The following NAV3 variants were observed in gnomAD, a reference collection of about 807,000 sequenced individuals.
NAV3 encodes neuron navigator 3.
A neutral mutation model predicts 244.7 loss-of-function variants in NAV3; 87 were observed. That is an observed-to-expected ratio of 0.36 (90% CI 0.30 to 0.42). NAV3 has a LOEUF of 0.42. Ranked by LOEUF, NAV3 falls within the 20% of genes least tolerant of loss-of-function variation. NAV3 has a pLI of 1.00. For synonymous variants in NAV3, 1,126 were observed against 1,042.2 expected (o/e 1.08, Z -1.55); for missense variants, 2,663 against 2,893.3 (o/e 0.92, Z 1.83).
chr12:77,639,480 G>C (rs1872300705), intron 2 of NAV3, among the ~76,000 whole-genome samples: 1 of 152,112 alleles, frequency 6.6e-6, no homozygotes, highest in African/African-American at 2.4e-5. Flanking sequence ...CGTCTAACCA[G>C]AATGTAAATT....
chr12:77,942,286 C>T (rs537352120), intron 3 of NAV3, among the ~76,000 whole-genome samples: 12 of 152,060 alleles, frequency 7.9e-5, no homozygotes, highest in Non-Finnish European at 1.2e-4. Context: ...GCAGGAGAAT[C>T]GCTTGAACCA....
chr12:78,157,822 A>G (rs916101230), intron 22 of NAV3, among the ~76,000 whole-genome samples: 1 of 151,884 alleles, frequency 6.6e-6, no homozygotes, highest in Non-Finnish European at 1.5e-5. Flanking sequence ...GGAGAAAAAG[A>G]AGGAAGAGGG....
chr12:78,078,375 C>CTTT (rs71088356), intron 12 of NAV3, among the ~76,000 whole-genome samples: 3 of 67,844 alleles, frequency 4.4e-5, no homozygotes, highest in African/African-American at 1.2e-4. Context: ...TCTTTCCACT[C>CTTT]TTTTTTTTTT....
rs142204643 is a variant in NAV3 at position 78,113,686 on chromosome 12, G to A, written c.2637-3086G>A. 4.5e-3 allele frequency among the ~76,000 whole-genome samples: 686 copies of A among 152,284 alleles called. 5 individuals carry two copies. Among genetic ancestry groups the A allele is most frequent in the African/African-American group, 0.016 (651 of 41,554 alleles). On this transcript the variant is annotated intron_variant, in intron 12 of 39. Transcript: ENST00000397909. ...TTCCCTCCTAGGCTTCTGGGCCTGC[G>A]ATGAGTAGGGTTGCCACAAAACTGT...
intron 2 of NAV3, among the ~76,000 whole-genome samples, chr12:77,729,565 A>G (rs77182923): frequency 0.018 from 2,716 of 152,100 alleles, 93 homozygotes; most frequent in African/African-American, 0.062. Flanking sequence ...ATCAGAGCAT[A>G]GGAAGCTTAT....
intron 1 of NAV3, among the ~76,000 whole-genome samples, chr12:77,863,968 C>T (rs1879638618): frequency 1.3e-5 from 2 of 151,856 alleles, no homozygotes; most frequent in Admixed American, 1.3e-4. Flanking sequence ...TCCAATTTCT[C>T]AAACACTATA....
At chr12:78,123,419 G>A (rs375235877) in intron 16 of NAV3, among the ~76,000 whole-genome samples, 6 of 150,998 alleles carry the variant, frequency 4.0e-5, no homozygotes, top group African/African-American at 1.2e-4. Context: ...CCTTACTCCC[G>A]GAATGATATT....
At position 78,119,763 on chromosome 12, in the gene NAV3, G is replaced by C. The variant is rs759382547; in HGVS notation, c.3567G>C (p.Ser1189=). 2.5e-6 allele frequency: 4 copies of C among 1,614,042 alleles called. No individual in the cohort carries two copies. Among genetic ancestry groups the C allele is most frequent in the Non-Finnish European group, 3.4e-6 (4 of 1,180,004 alleles). Residue 1189 remains serine, a synonymous_variant, in exon 15 of 40, where the codon TCG becomes TCC. Transcript: ENST00000397909. ...REPTKIGSGR[S]SPVTVNQTDK... The stretch of plus-strand genomic sequence containing the variant: ...CAACTAAAATTGGGTCAGGGCGCTC[G>C]AGTCCTGTCACCGTCAACCAAACAG...
At chr12:77,770,335 A>C (rs985974883) in intron 2 of NAV3, among the ~76,000 whole-genome samples, 1 of 152,190 alleles carries the variant, frequency 6.6e-6, no homozygotes, top group Admixed American at 6.5e-5. Flanking sequence ...TTCTGGATGA[A>C]CAGACGGCTG....
intron 12 of NAV3, among the ~76,000 whole-genome samples, chr12:78,097,955 T>C (rs1447656983): frequency 6.6e-6 from 1 of 152,160 alleles, no homozygotes; most frequent in Non-Finnish European, 1.5e-5. Flanking sequence ...GGAGAGACAA[T>C]TTAGCTCAGA....
chr12:78,050,934 C>A lies in NAV3; in HGVS notation c.2303C>A (p.Thr768Asn). ...GGTGCTGGCTATCCTCGCAGTGGTACCAGTCGATTCATCCACACAGACCCC... is the reference window on the plus strand; with the variant it reads ...GGTGCTGGCTATCCTCGCAGTGGTAACAGTCGATTCATCCACACAGACCCC... ...SLGAGYPRSG[T>N]SRFIHTDPSR... The change falls in exon 11 of 40, where the codon ACC becomes AAC. Residue 768 changes from threonine to asparagine, a missense_variant. Thr to Asn is a moderately conservative substitution (Grantham distance 65). Around this residue, in one of 6 missense-constraint regions of NAV3, gnomAD observed 1,521 missense variants for 1,497.0 expected, o/e 1.02. Transcript: ENST00000397909. 1 of 1,614,014 alleles carries A rather than the reference C, an allele frequency of 6.2e-7. No individual in the cohort carries two copies. Among genetic ancestry groups the A allele is most frequent in the Non-Finnish European group, 8.5e-7 (1 of 1,179,988 alleles).
chr12:77,651,289 G>A (rs1408773387), intron 2 of NAV3, among the ~76,000 whole-genome samples: 1 of 152,054 alleles, frequency 6.6e-6, no homozygotes, highest in East Asian at 1.9e-4. Context: ...TAAAAAGATT[G>A]AAGTAACATT....
chr12:77,596,447 A>G (rs866393437), intron 2 of NAV3, among the ~76,000 whole-genome samples: 1 of 152,316 alleles, frequency 6.6e-6, no homozygotes, highest in East Asian at 1.9e-4. Flanking sequence ...TACTTAAGGT[A>G]TATAAAACAT....
chr12:77,926,306 A>G (rs1028849226), intron 1 of NAV3, among the ~76,000 whole-genome samples: 4 of 152,184 alleles, frequency 2.6e-5, no homozygotes, highest in Admixed American at 6.5e-5. Context: ...AATTTAAAGT[A>G]TTTAAAACAT....
At chr12:78,191,035 A>G (rs1419343416) in intron 34 of NAV3, among the ~76,000 whole-genome samples, 2 of 152,104 alleles carry the variant, frequency 1.3e-5, no homozygotes, top group African/African-American at 4.8e-5. Flanking sequence ...GGGAATCCCA[A>G]TTATACTGGG....
At chr12:78,040,274 C>T (rs770114) in intron 9 of NAV3, among the ~76,000 whole-genome samples, 32,313 of 151,718 alleles carry the variant, frequency 0.21, 3,786 homozygotes, top group Non-Finnish European at 0.28. Context: ...ATGTTTTGCT[C>T]AATAAGCGTT....
chr12:77,582,549 ATGTAT>A (rs1465979358), intron 2 of NAV3, among the ~76,000 whole-genome samples: 3 of 152,218 alleles, frequency 2.0e-5, no homozygotes, highest in Admixed American at 6.5e-5. Flanking sequence ...TGTTAGGAAA[ATGTAT>A]TGTAGAAACC....
intron 1 of NAV3, among the ~76,000 whole-genome samples, chr12:77,939,109 T>G (rs910752367): frequency 2.6e-5 from 4 of 152,182 alleles, no homozygotes; most frequent in Non-Finnish European, 5.9e-5. Context: ...TATTACTTTT[T>G]TAAATGTGAA....
chr12:77,911,215 A>G (rs542534792), intron 1 of NAV3, among the ~76,000 whole-genome samples: 2 of 152,196 alleles, frequency 1.3e-5, no homozygotes, highest in Admixed American at 1.3e-4. Flanking sequence ...AAAGTGATCA[A>G]ATGCTTCTGG....
Sources: gnomAD v4.1 joint callset for allele counts (sites outside exome capture counted in the v4.1 genomes callset) on GRCh38, gnomAD v4.1.1 for gene constraint, gnomAD v4.1.1 regional missense constraint, MANE v1.5 for transcripts, NCBI Gene and HGNC (gene_info 2026-07-23, HGNC 2026-07-21) for gene names.